Variants in FAM168B observed in about 807,000 individuals in gnomAD.
The protein encoded by FAM168B is myelin-associated neurite-outgrowth inhibitor.
FAM168B carries 19 observed loss-of-function variants against 21.8 expected under a neutral mutation model. That is an observed-to-expected ratio of 0.87 (90% CI 0.61 to 1.28). The LOEUF is 1.28. Among genes scored for constraint, FAM168B ranks in the 50% most tolerant of loss-of-function variants. FAM168B has a pLI of 0.00. For synonymous variants in FAM168B, 126 were observed against 104.8 expected (o/e 1.20, Z -1.24); for missense variants, 233 against 263.1 (o/e 0.89, Z 0.79).
intron 3 of FAM168B, among the ~76,000 whole-genome samples, chr2:131,067,482 T>C (rs1692623296): frequency 6.6e-6 from 1 of 152,204 alleles, no homozygotes; most frequent in South Asian, 2.1e-4. Context: ...GGCTCACTCC[T>C]GTAATCCCAA....
chr2:131,072,105 C>T lies in FAM168B; in HGVS notation c.71-167G>A, dbSNP rs549643699. On this transcript the variant is annotated intron_variant, in intron 2 of 6. Transcript: ENST00000389915. ...AGCATGTCTCTAGTTGTCTTCTTCC[C>T]GCAGAACTTTGTTTTTTTTATCGTT... 2.7e-4 allele frequency among the ~76,000 whole-genome samples: 41 copies of T among 152,240 alleles called. 1 individual carries two copies. The South Asian group carries it at 7.1e-3, about 26-fold the overall frequency.
At chr2:131,087,598 G>T (rs1693780238) in intron 1 of FAM168B, among the ~76,000 whole-genome samples, 1 of 152,204 alleles carries the variant, frequency 6.6e-6, no homozygotes, top group Non-Finnish European at 1.5e-5. Context: ...AGTTTGTTTG[G>T]AGCTTAGGCT....
At chr2:131,066,016 C>T (rs1692538482) in intron 3 of FAM168B, among the ~76,000 whole-genome samples, 1 of 152,104 alleles carries the variant, frequency 6.6e-6, no homozygotes, top group South Asian at 2.1e-4. Context: ...AGAAGTGGGT[C>T]GAAAGGGTTC....
chr2:131,089,828 T>C (rs190910822), intron 1 of FAM168B, among the ~76,000 whole-genome samples: 41 of 151,056 alleles, frequency 2.7e-4, no homozygotes, highest in African/African-American at 9.0e-4. Context: ...GGTCAGGAAT[T>C]CCAGACCAGC....
chr2:131,090,629 G>A (rs1353805251), intron 1 of FAM168B, among the ~76,000 whole-genome samples: 2 of 152,150 alleles, frequency 1.3e-5, no homozygotes, highest in African/African-American at 2.4e-5. Context: ...GCTTTGGGAG[G>A]CTGGGGCAGG....
chr2:131,082,716 A>G (rs1693482623), intron 1 of FAM168B, 59 bp from the exon 2 acceptor site: 1 of 1,098,176 alleles, frequency 9.1e-7, no homozygotes. Context: ...TTTCTCCAGT[A>G]CCAGTCCCCA....
At chr2:131,074,645 T>C (rs1237015367) in intron 2 of FAM168B, among the ~76,000 whole-genome samples, 1 of 152,204 alleles carries the variant, frequency 6.6e-6, no homozygotes, top group African/African-American at 2.4e-5. Flanking sequence ...CTGGGATTTT[T>C]AAGGTGTTAC....
intron 1 of FAM168B, among the ~76,000 whole-genome samples, 172 bp downstream of exon 1, chr2:131,093,042 C>CGCCCCCG (rs980901517): frequency 1.1e-4 from 16 of 151,620 alleles, no homozygotes; most frequent in African/African-American, 1.9e-4. Context: ...GGCCGAGCTC[C>CGCCCCCG]GCCCCCGGCC....
intron 1 of FAM168B, 128 bp from the exon 2 acceptor site, chr2:131,082,785 GCCC>G: frequency 1.7e-6 from 1 of 596,728 alleles, no homozygotes; most frequent in African/African-American, 1.9e-5. Context: ...ATTTCATGCT[GCCC>G]CCAACCAGCG....
chr2:131,088,990 A>T (rs750617982), intron 1 of FAM168B, among the ~76,000 whole-genome samples: 6 of 146,574 alleles, frequency 4.1e-5, no homozygotes, highest in Non-Finnish European at 7.4e-5. Flanking sequence ...TTTGAGACAG[A>T]GTTTTCACTT....
At chr2:131,064,969 G>A (rs1192242300) in intron 3 of FAM168B, among the ~76,000 whole-genome samples, 1 of 152,176 alleles carries the variant, frequency 6.6e-6, no homozygotes, top group Non-Finnish European at 1.5e-5. Context: ...ATTAATTCCA[G>A]GGACACCGCA....
At chr2:131,090,199 T>C (rs1693937539) in intron 1 of FAM168B, among the ~76,000 whole-genome samples, 1 of 143,124 alleles carries the variant, frequency 7.0e-6, no homozygotes, top group Non-Finnish European at 1.5e-5. Context: ...CAGGCGCCTG[T>C]ACCCAGCTAC....
At chr2:131,077,527 C>T (rs1003210987) in intron 2 of FAM168B, among the ~76,000 whole-genome samples, 1 of 152,194 alleles carries the variant, frequency 6.6e-6, no homozygotes, top group East Asian at 1.9e-4. Context: ...GATAGCCCCC[C>T]CAAAATGTTT....
intron 2 of FAM168B, among the ~76,000 whole-genome samples, chr2:131,079,574 G>C (rs1199124120): frequency 1.3e-5 from 2 of 152,230 alleles, no homozygotes; most frequent in Admixed American, 6.5e-5. Context: ...ACTGCAGACA[G>C]CCACCAGAAA....
intron 3 of FAM168B, among the ~76,000 whole-genome samples, chr2:131,069,007 C>A (rs1365987536): frequency 2.6e-5 from 4 of 152,148 alleles, no homozygotes; most frequent in Non-Finnish European, 5.9e-5. Flanking sequence ...CAGAGCAAGA[C>A]CCTGTCTCAA....
chr2:131,076,203 T>G, intron 2 of FAM168B, among the ~76,000 whole-genome samples: 1 of 152,148 alleles, frequency 6.6e-6, no homozygotes, highest in East Asian at 1.9e-4. Flanking sequence ...AGAATCACTG[T>G]TTCTTCCTAT....
chr2:131,087,215 T>C (rs1243535471), intron 1 of FAM168B, among the ~76,000 whole-genome samples: 1 of 152,038 alleles, frequency 6.6e-6, no homozygotes, highest in African/African-American at 2.4e-5. Context: ...ATGCCTGTAA[T>C]CCCAGTACTT....
intron 5 of FAM168B, 106 bp downstream of exon 5, chr2:131,055,166 T>G: frequency 8.8e-7 from 1 of 1,139,636 alleles, no homozygotes; most frequent in Non-Finnish European, 1.2e-6. Flanking sequence ...TCCACACAAC[T>G]ACAGCTATGA....
intron 2 of FAM168B, among the ~76,000 whole-genome samples, chr2:131,077,748 C>T (rs1693231497): frequency 6.6e-6 from 1 of 152,158 alleles, no homozygotes; most frequent in South Asian, 2.1e-4. Flanking sequence ...AAAATTGGAC[C>T]TCAGATGAGC....
Sources: allele counts gnomAD v4.1 joint callset (sites outside exome capture counted in the v4.1 genomes callset), GRCh38; gene constraint gnomAD v4.1.1; transcripts MANE v1.5; gene names NCBI Gene and HGNC (gene_info 2026-07-23, HGNC 2026-07-21).